The following NAV2 variants were observed in gnomAD, a reference collection of about 807,000 sequenced individuals.
NAV2 encodes the protein neuron navigator 2.
Under a neutral mutation model 223.2 loss-of-function variants are expected in NAV2, and 54 were observed. That is an observed-to-expected ratio of 0.24 (90% CI 0.19 to 0.30). The LOEUF is 0.30. Among genes scored for constraint, NAV2 ranks in the 10% least tolerant of loss-of-function variants. The probability of loss-of-function intolerance (pLI) is 1.00; values close to 1 mark genes in which losing one functional copy is unlikely to be tolerated. For missense variants in NAV2, 2,806 were observed against 3,147.5 expected, an observed-to-expected ratio of 0.89 and a Z score of 2.60; for synonymous variants, 1,279 against 1,239.3, an observed-to-expected ratio of 1.03 and a Z score of -0.67.
At chr11:19,749,190 C>T (rs1382863190) in intron 1 of NAV2, among the ~76,000 whole-genome samples, 1 of 152,200 alleles carries the variant, frequency 6.6e-6, no homozygotes, top group Non-Finnish European at 1.5e-5. Flanking sequence ...CTGTTGATAA[C>T]TGTTTATAGA....
chr11:19,712,071 A>C (rs2049907176), upstream of NAV2: 2 of 152,224 alleles, frequency 1.3e-5, no homozygotes, highest in Admixed American at 1.3e-4. Flanking sequence ...CAAACAGCGA[A>C]TTCGAGTCGA....
rs372501007 is a variant in NAV2 at position 19,355,413 on chromosome 11, A to T, written c.75+4386A>T. On this transcript the variant is annotated intron_variant, in intron 1 of 37. Transcript: ENST00000360655. ...TGAACTCGGGTTTAGTGTAATTAAA[A>T]TTTCTAGGGTTGGCTGAACTGCTCT... Among the ~76,000 whole-genome samples, 425 of 152,260 alleles carry T rather than the reference A, an allele frequency of 2.8e-3. 3 individuals are homozygous for T. The highest frequency in any genetic ancestry group is 8.3e-3 in the African/African-American group (345 of 41,530).
At chr11:19,500,584 T>G (rs2042934200) in intron 1 of NAV2, among the ~76,000 whole-genome samples, 1 of 152,224 alleles carries the variant, frequency 6.6e-6, no homozygotes, top group Admixed American at 6.5e-5. Flanking sequence ...ATAGTATTAG[T>G]TGCTTAAATT....
intron 1 of NAV2, among the ~76,000 whole-genome samples, chr11:19,441,413 C>A (rs1851396691): frequency 6.6e-6 from 1 of 150,444 alleles, no homozygotes; most frequent in Non-Finnish European, 1.5e-5. Context: ...CGGAGAGGTA[C>A]AAGAAAGGAC....
At chr11:19,450,003 T>A (rs1851735651) in intron 1 of NAV2, among the ~76,000 whole-genome samples, 1 of 152,200 alleles carries the variant, frequency 6.6e-6, no homozygotes, top group African/African-American at 2.4e-5. Flanking sequence ...GATGCCGATC[T>A]GAAAACTGTG....
chr11:19,881,314 A>G (rs1255965233), intron 5 of NAV2, among the ~76,000 whole-genome samples: 1 of 152,178 alleles, frequency 6.6e-6, no homozygotes, highest in Non-Finnish European at 1.5e-5. Context: ...TGCCTGGACT[A>G]GCAATGAGGA....
chr11:19,756,261 A>G (rs945065294), intron 1 of NAV2, among the ~76,000 whole-genome samples: 3 of 152,182 alleles, frequency 2.0e-5, no homozygotes, highest in African/African-American at 7.2e-5. Context: ...AATTATTGCT[A>G]TAAGGGGCAC....
intron 6 of NAV2, among the ~76,000 whole-genome samples, chr11:19,924,318 A>C (rs957775722): frequency 7.2e-5 from 11 of 152,118 alleles, no homozygotes; most frequent in Admixed American, 1.3e-4. Flanking sequence ...AAAACAAAAA[A>C]AAACTGGTTT....
intron 1 of NAV2, among the ~76,000 whole-genome samples, chr11:19,444,855 A>G (rs902664500): frequency 7.9e-5 from 12 of 152,166 alleles, no homozygotes; most frequent in African/African-American, 2.9e-4. Flanking sequence ...TGTGAATTCC[A>G]ACTCCATCAC....
intron 10 of NAV2, among the ~76,000 whole-genome samples, chr11:19,971,182 T>C (rs1449580977): frequency 6.6e-6 from 1 of 152,148 alleles, no homozygotes; most frequent in African/African-American, 2.4e-5. Flanking sequence ...AGGCACGTTT[T>C]TGAGTAGGAC....
intron 1 of NAV2, among the ~76,000 whole-genome samples, chr11:19,559,314 A>G (rs1212151156): frequency 6.6e-6 from 1 of 152,222 alleles, no homozygotes; most frequent in Non-Finnish European, 1.5e-5. Context: ...TTCTGAATTA[A>G]AAGCCCATTC....
chr11:19,720,414 A>G (rs557772129), intron 1 of NAV2, among the ~76,000 whole-genome samples: 2 of 152,138 alleles, frequency 1.3e-5, no homozygotes, highest in Non-Finnish European at 2.9e-5. Context: ...GGGAATACAG[A>G]TCCTCTCTTG....
chr11:19,621,447 T>C (rs1270397202), intron 1 of NAV2, among the ~76,000 whole-genome samples: 1 of 152,248 alleles, frequency 6.6e-6, no homozygotes, highest in Non-Finnish European at 1.5e-5. Flanking sequence ...GTTATTGGTC[T>C]ATTCAGAGAT....
intron 1 of NAV2, among the ~76,000 whole-genome samples, chr11:19,471,341 G>A (rs765279276): frequency 2.1e-4 from 32 of 152,172 alleles, no homozygotes; most frequent in Non-Finnish European, 3.2e-4. Flanking sequence ...GTGAGAACAC[G>A]CTTATAATGC....
intron 36 of NAV2, chr11:20,114,366 G>C: frequency 1.7e-6 from 1 of 580,482 alleles, no homozygotes; most frequent in Admixed American, 3.0e-5. Flanking sequence ...AGATCAGCCT[G>C]ACTCCAAAGC....
intron 1 of NAV2, among the ~76,000 whole-genome samples, chr11:19,593,804 C>T (rs964854100): frequency 6.6e-6 from 1 of 152,230 alleles, no homozygotes; most frequent in East Asian, 1.9e-4. Flanking sequence ...TGATGTTGAA[C>T]ATTTTTTCAC....
intron 1 of NAV2, among the ~76,000 whole-genome samples, chr11:19,411,586 G>A (rs1850147544): frequency 1.3e-5 from 2 of 152,162 alleles, no homozygotes; most frequent in African/African-American, 4.8e-5. Context: ...AATGTTCTAA[G>A]GGATAGGGAT....
chr11:19,530,331 A>G (rs1471470501), intron 1 of NAV2, among the ~76,000 whole-genome samples: 5 of 152,228 alleles, frequency 3.3e-5, no homozygotes, highest in Admixed American at 6.5e-5. Flanking sequence ...CCTGGGCATC[A>G]CGAGGCAGGG....
At chr11:19,422,441 T>A (rs1308785961) in intron 1 of NAV2, among the ~76,000 whole-genome samples, 2 of 152,136 alleles carry the variant, frequency 1.3e-5, no homozygotes, top group East Asian at 1.9e-4. Flanking sequence ...AATTAGGGGC[T>A]GAAAGAAAGG....
Sources: gnomAD v4.1 joint callset for allele counts (sites outside exome capture counted in the v4.1 genomes callset) on GRCh38, gnomAD v4.1.1 for gene constraint, MANE v1.5 for transcripts, NCBI Gene and HGNC (gene_info 2026-07-23, HGNC 2026-07-21) for gene names.